TMLHE: variants seen among roughly 807,000 people sequenced by gnomAD.
TMLHE encodes the protein trimethyllysine hydroxylase, epsilon, also known as trimethyllysine dioxygenase, mitochondrial.
In TMLHE, 18 loss-of-function variants were observed where a neutral mutation model predicts 25.7. The ratio of observed to expected loss-of-function variants is 0.70; its 90% CI spans 0.48 to 1.04. The LOEUF is 1.04. Among genes scored for constraint, TMLHE ranks in the 50% least tolerant of loss-of-function variants. The pLI, the probability that TMLHE is intolerant of heterozygous loss-of-function variation, is 0.00. For synonymous variants in TMLHE, 105 were observed against 97.0 expected, an observed-to-expected ratio of 1.08 and a Z score of -0.49; for missense variants, 236 against 259.0, an observed-to-expected ratio of 0.91 and a Z score of 0.61.
intron 1 of TMLHE, among the ~76,000 whole-genome samples, chrX:155,587,087 C>A (rs180851930): frequency 6.3e-4 from 71 of 111,953 alleles, no homozygotes; most frequent in African/African-American, 2.2e-3. Context: ...GGCTGATATT[C>A]CTGATGAACA....
In TMLHE at chrX:155,561,310, G is replaced by C. The variant is rs1432079421; in HGVS notation, c.-1-16033C>G. 7.7e-4 allele frequency among the ~76,000 whole-genome samples: 47 copies of C among 60,688 alleles called. 6 individuals are homozygous for C. Among genetic ancestry groups the C allele is most frequent in the African/African-American group, 1.7e-3 (46 of 27,392 alleles). 52.7% of individuals were successfully genotyped at this position (60,688 alleles called of 115,157 possible). On this transcript the variant is annotated intron_variant, in intron 1 of 7. Coordinates refer to ENST00000334398, the MANE Select transcript of TMLHE (RefSeq NM_018196.4). ...TCTTACATGATGGCAGGAGTGGGGG[G>C]AATTGCCACACTTTTAAACCATCAG...
In TMLHE at chrX:155,524,603, A is replaced by AGC. The variant is rs1338261708; in HGVS notation, c.209_210dup (p.Phe71AlafsTer56). 1 of 1,200,589 alleles carries AGC rather than the reference A, an allele frequency of 8.3e-7. No homozygotes were observed. The highest frequency in any genetic ancestry group is 1.1e-6 in the Non-Finnish European group (1 of 890,481). ...TGGTCTCGAAGCCAGACGTAATCAA[A>AGC]GCGCATCACGGTATTAGCATATTTC... On this transcript the variant is annotated frameshift_variant, in exon 3 of 8. Transcript: ENST00000334398. LOFTEE classifies it high-confidence loss of function.
chrX:155,508,576 A>G (rs913384797), intron 5 of TMLHE, among the ~76,000 whole-genome samples: 2 of 111,222 alleles, frequency 1.8e-5, no homozygotes, highest in Non-Finnish European at 3.8e-5. Context: ...GAGGAAGAAT[A>G]ATATTTAGGA....
intron 1 of TMLHE, among the ~76,000 whole-genome samples, chrX:155,548,739 A>G (rs1032127180): frequency 9.1e-6 from 1 of 110,047 alleles, no homozygotes; most frequent in Non-Finnish European, 1.9e-5. Flanking sequence ...TGTCTCAAAA[A>G]AAAAAAAGAC....
chrX:155,594,710 T>A (rs2124488896), intron 1 of TMLHE, among the ~76,000 whole-genome samples: 1 of 112,254 alleles, frequency 8.9e-6, no homozygotes, highest in East Asian at 2.8e-4. Context: ...CTGTAAATTT[T>A]GACACCAAAA....
intron 1 of TMLHE, among the ~76,000 whole-genome samples, chrX:155,600,688 T>TA (rs1346083333): frequency 3.6e-5 from 4 of 112,147 alleles, no homozygotes; most frequent in Non-Finnish European, 7.5e-5. Context: ...TACATATCCC[T>TA]AGGGGTCTCC....
chrX:155,597,954 C>T (rs5940402), intron 1 of TMLHE, among the ~76,000 whole-genome samples: 1 of 109,952 alleles, frequency 9.1e-6, no homozygotes, highest in African/African-American at 3.3e-5. Flanking sequence ...AAGCCCCAAA[C>T]AATAAATTTC....
chrX:155,588,795 C>T (rs915772301), intron 1 of TMLHE, among the ~76,000 whole-genome samples: 5 of 111,231 alleles, frequency 4.5e-5, no homozygotes, highest in Non-Finnish European at 9.5e-5. Context: ...ATAATCATAC[C>T]CCAGCTAGGA....
intron 1 of TMLHE, among the ~76,000 whole-genome samples, chrX:155,582,407 T>G (rs1364437525): frequency 9.0e-6 from 1 of 111,417 alleles, no homozygotes; most frequent in Non-Finnish European, 1.9e-5. Context: ...TGGGAGAAAA[T>G]TTTTGCAATC....
intron 1 of TMLHE, among the ~76,000 whole-genome samples, chrX:155,548,517 C>CCT (rs1393463922): frequency 2.1e-4 from 23 of 108,117 alleles, no homozygotes; most frequent in African/African-American, 4.3e-4. Context: ...GGGCGGATCA[C>CCT]AAGGTCAGCA....
chrX:155,608,742 AG>A (rs2067802332), intron 1 of TMLHE, among the ~76,000 whole-genome samples: 1 of 112,378 alleles, frequency 8.9e-6, no homozygotes, highest in South Asian at 3.7e-4. Context: ...AAGTGGGCAA[AG>A]GATATGAACA....
intron 2 of TMLHE, among the ~76,000 whole-genome samples, chrX:155,543,462 T>G (rs2124408090): frequency 9.0e-6 from 1 of 111,557 alleles, no homozygotes; most frequent in South Asian, 3.7e-4. Context: ...AGGAATAAAT[T>G]TAACCAAGGA....
intron 1 of TMLHE, among the ~76,000 whole-genome samples, chrX:155,584,407 C>T (rs973793851): frequency 5.4e-5 from 6 of 110,939 alleles, no homozygotes; most frequent in Admixed American, 4.8e-4. Context: ...TCAGTGTTCT[C>T]AAGGCTGAAG....
At chrX:155,552,757 GATTA>G (rs1178813034) in intron 1 of TMLHE, among the ~76,000 whole-genome samples, 1 of 109,382 alleles carries the variant, frequency 9.1e-6, no homozygotes, top group Admixed American at 9.7e-5. Context: ...CATTCTTTAG[GATTA>G]ATTTTCTATT....
chrX:155,577,700 C>CTT (rs1298618703), intron 1 of TMLHE, among the ~76,000 whole-genome samples: 1 of 111,681 alleles, frequency 9.0e-6, no homozygotes, highest in African/African-American at 3.3e-5. Flanking sequence ...GGAGATAATA[C>CTT]TAACAGCCCA....
chrX:155,514,392 C>A, intron 3 of TMLHE, 127 bp from the exon 4 acceptor site: 1 of 695,973 alleles, frequency 1.4e-6, no homozygotes, highest in African/African-American at 2.2e-5. Flanking sequence ...GTTTATGAAA[C>A]CAAATTAAAA....
At chrX:155,537,257 G>A (rs908101828) in intron 2 of TMLHE, among the ~76,000 whole-genome samples, 8 of 111,541 alleles carry the variant, frequency 7.2e-5, no homozygotes, top group Non-Finnish European at 1.1e-4. Flanking sequence ...TTACCTCCTC[G>A]CTTCTCAATG....
chrX:155,595,965 C>T (rs2067717895), intron 1 of TMLHE, among the ~76,000 whole-genome samples: 1 of 111,127 alleles, frequency 9.0e-6, no homozygotes, highest in East Asian at 2.8e-4. Context: ...AGAAAATCAC[C>T]CAAGAGAAAG....
At chrX:155,512,405 G>A (rs782670966) in intron 4 of TMLHE, among the ~76,000 whole-genome samples, 2 of 104,105 alleles carry the variant, frequency 1.9e-5, no homozygotes, top group East Asian at 6.1e-4. Flanking sequence ...ACCTATGAGT[G>A]AGAATATGCG....
Sources: allele counts gnomAD v4.1 joint callset (sites outside exome capture counted in the v4.1 genomes callset), GRCh38; gene constraint gnomAD v4.1.1; transcripts MANE v1.5; gene names NCBI Gene and HGNC (gene_info 2026-07-23, HGNC 2026-07-21).